TP53BP1: variants seen among roughly 807,000 people sequenced by gnomAD.
TP53BP1 encodes tumor protein p53 binding protein 1.
TP53BP1 carries 61 observed loss-of-function variants against 200.8 expected under a neutral mutation model. That is an observed-to-expected ratio of 0.30 (90% CI 0.25 to 0.38). The LOEUF (loss-of-function observed/expected upper bound fraction) is 0.38, where lower values mean the gene tolerates loss of function less well. TP53BP1 is among the 10% of genes least tolerant of loss of function. The pLI, the probability that TP53BP1 is intolerant of heterozygous loss-of-function variation, is 1.00. For synonymous variants in TP53BP1, 822 were observed against 844.3 expected (o/e 0.97, Z 0.46); for missense variants, 2,144 against 2,371.9 (o/e 0.90, Z 2.00).
intron 1 of TP53BP1, among the ~76,000 whole-genome samples, chr15:43,506,987 C>T (rs1307419056): frequency 6.6e-6 from 1 of 152,218 alleles, no homozygotes; most frequent in Non-Finnish European, 1.5e-5. Context: ...AATAGGAAAC[C>T]TCTAAAGGGT....
At chr15:43,488,134 A>G (rs1247726325) in intron 4 of TP53BP1, among the ~76,000 whole-genome samples, 1 of 151,878 alleles carries the variant, frequency 6.6e-6, no homozygotes, top group Non-Finnish European at 1.5e-5. Context: ...CCCCATCTCT[A>G]CAAAAAGTTA....
intron 15 of TP53BP1, among the ~76,000 whole-genome samples, chr15:43,440,888 C>A (rs2045911802): frequency 6.6e-6 from 1 of 151,980 alleles, no homozygotes; most frequent in Non-Finnish European, 1.5e-5. Context: ...GATTCTGTCT[C>A]AAAAAATAAA....
At chr15:43,451,430 C>G (rs150941028) in intron 12 of TP53BP1, among the ~76,000 whole-genome samples, 1 of 151,076 alleles carries the variant, frequency 6.6e-6, no homozygotes, top group African/African-American at 2.4e-5. Context: ...TGAGAACATG[C>G]GGTGTTTGGT....
upstream of TP53BP1, among the ~76,000 whole-genome samples, chr15:43,495,508 C>CAA (rs1334842872): frequency 2.1e-5 from 3 of 144,772 alleles, no homozygotes; most frequent in Non-Finnish European, 4.6e-5. Flanking sequence ...CACACACACA[C>CAA]ACACACACAC....
intron 15 of TP53BP1, 115 bp downstream of exon 15, chr15:43,441,411 G>A (rs2045922367): frequency 1.3e-6 from 1 of 751,436 alleles, no homozygotes; most frequent in Non-Finnish European, 2.4e-6. Flanking sequence ...AATCCTTTAT[G>A]AAAGAGTCTC....
At chr15:43,489,078 A>G (rs1210017076) in intron 4 of TP53BP1, among the ~76,000 whole-genome samples, 1 of 152,114 alleles carries the variant, frequency 6.6e-6, no homozygotes, top group Non-Finnish European at 1.5e-5. Flanking sequence ...TAACAAATTC[A>G]TATTTATTGT....
intron 1 of TP53BP1, among the ~76,000 whole-genome samples, chr15:43,499,357 G>A (rs1437817008): frequency 6.6e-6 from 1 of 152,012 alleles, no homozygotes; most frequent in African/African-American, 2.4e-5. Flanking sequence ...ACCAAACCCC[G>A]TGATAATGCA....
At chr15:43,510,251 C>T (rs2079265431) in intron 1 of TP53BP1, 1 of 152,426 alleles carries the variant, frequency 6.6e-6, no homozygotes, top group African/African-American at 2.4e-5. Flanking sequence ...ATGGGAAGGT[C>T]TTTCCTAGGT....
intron 4 of TP53BP1, among the ~76,000 whole-genome samples, chr15:43,482,495 G>A (rs1041459424): frequency 2.0e-5 from 3 of 151,444 alleles, no homozygotes; most frequent in African/African-American, 4.9e-5. Context: ...TAGGCTGGGC[G>A]CGGTGGCTCA....
Position 43,405,205 on chromosome 15 carries a change from C to T in TP53BP1, c.*2178G>A, listed in dbSNP as rs552259588. ...AGGCTCTTTTTCTCTTTTGTAGTTTCGGGATGTGAAAATTTCTGGCTCATA... is the reference window on the plus strand; with the variant it reads ...AGGCTCTTTTTCTCTTTTGTAGTTTTGGGATGTGAAAATTTCTGGCTCATA... On this transcript the variant is annotated 3_prime_UTR_variant, in exon 28 of 28. Coordinates refer to ENST00000382044, the MANE Select transcript of TP53BP1 (RefSeq NM_001141980.3). The T allele has an allele frequency of 1.1e-5, 18 of 1,614,082 alleles. No individual in the cohort carries two copies. Among genetic ancestry groups the T allele is most frequent in the South Asian group, 5.5e-5 (5 of 91,078 alleles).
At chr15:43,476,527 G>C (rs2078884841) in intron 8 of TP53BP1, among the ~76,000 whole-genome samples, 1 of 152,210 alleles carries the variant, frequency 6.6e-6, no homozygotes, top group South Asian at 2.1e-4. Context: ...AGCCATTACT[G>C]TTTTATACTA....
At chr15:43,474,856 T>A in intron 9 of TP53BP1, 89 bp from the exon 10 acceptor site, 1 of 874,846 alleles carries the variant, frequency 1.1e-6, no homozygotes, top group South Asian at 1.6e-5. Context: ...CAGGAAAAAA[T>A]ATCTAAGGCA....
rs1595525423 is a variant in TP53BP1 at position 43,415,765 on chromosome 15, A to G, written c.4918T>C (p.Ser1640Pro). The G allele has an allele frequency of 6.2e-7, 1 of 1,613,952 alleles. No homozygotes were observed. The highest frequency in any genetic ancestry group is 8.5e-7 in the Non-Finnish European group (1 of 1,179,974). ...CTGGAGGCAGTAGGGGTGGCTGGGG[A>G]GCTGACGTTACTGCGCCGTTTCCGC... Reference protein sequence around the residue: ...GKRKRRSNVSSPATPTASSSS... With the variant: ...GKRKRRSNVSPPATPTASSSS... Residue 1640 changes from serine (S) to proline (P), a missense_variant, in exon 23 of 28, where the codon TCC becomes CCC. Ser to Pro is a moderately conservative substitution (Grantham distance 74). Around this residue, in one of 4 missense-constraint regions of TP53BP1, gnomAD observed 334 missense variants for 453.4 expected, o/e 0.74. Coordinates refer to ENST00000382044, the MANE Select transcript of TP53BP1 (RefSeq NM_001141980.3).
chr15:43,412,823 CAATT>C, intron 24 of TP53BP1: 2 of 511,998 alleles, frequency 3.9e-6, no homozygotes, highest in Non-Finnish European at 3.9e-6. Flanking sequence ...AAAAAAAACA[CAATT>C]ATTTAACCTT....
intron 1 of TP53BP1, among the ~76,000 whole-genome samples, chr15:43,507,793 G>A (rs989220688): frequency 1.3e-5 from 2 of 151,176 alleles, no homozygotes; most frequent in Non-Finnish European, 2.9e-5. Context: ...GCGAGATCTC[G>A]GCTCACTGCC....
intron 21 of TP53BP1, among the ~76,000 whole-genome samples, chr15:43,419,322 G>T (rs976089733): frequency 6.6e-6 from 1 of 152,064 alleles, no homozygotes; most frequent in Non-Finnish European, 1.5e-5. Context: ...AACCTTCCCA[G>T]GTCCTTATAT....
intron 12 of TP53BP1, among the ~76,000 whole-genome samples, chr15:43,454,624 A>C (rs2046251939): frequency 6.6e-6 from 1 of 152,164 alleles, no homozygotes; most frequent in African/African-American, 2.4e-5. Context: ...CAGCCTCCCA[A>C]AGTGCTGGGA....
chr15:43,412,906 T>C, intron 24 of TP53BP1: 1 of 606,014 alleles, frequency 1.7e-6, no homozygotes, highest in Non-Finnish European at 3.0e-6. Flanking sequence ...CCTCACAGGA[T>C]TGTTTTCAGG....
intron 21 of TP53BP1, among the ~76,000 whole-genome samples, chr15:43,417,587 C>G (rs2045297097): frequency 6.6e-6 from 1 of 152,178 alleles, no homozygotes; most frequent in South Asian, 2.1e-4. Context: ...CACAGAATCC[C>G]CACACCTTGA....
Sources: allele counts gnomAD v4.1 joint callset (sites outside exome capture counted in the v4.1 genomes callset), GRCh38; gene constraint gnomAD v4.1.1; regional missense constraint gnomAD v4.1.1; transcripts MANE v1.5; gene names NCBI Gene and HGNC (gene_info 2026-07-23, HGNC 2026-07-21).